MAPRE2: variants seen among roughly 807,000 people sequenced by gnomAD.
MAPRE2 encodes microtubule associated protein RP/EB family member 2.
MAPRE2 carries 13 observed loss-of-function variants against 43.2 expected under a neutral mutation model. The observed-to-expected ratio is 0.30, with a 90% CI of 0.20 to 0.48. MAPRE2 has a LOEUF of 0.48. Among genes scored for constraint, MAPRE2 ranks in the 20% least tolerant of loss-of-function variants. The probability of loss-of-function intolerance (pLI) is 0.99; values close to 1 mark genes in which losing one functional copy is unlikely to be tolerated. For missense variants in MAPRE2, 161 were observed against 400.2 expected (o/e 0.40, Z 5.10); for synonymous variants, 135 against 148.8 (o/e 0.91, Z 0.68).
chr18:35,124,162 G>A (rs1321433519), intron 4 of MAPRE2, among the ~76,000 whole-genome samples: 1 of 152,128 alleles, frequency 6.6e-6, no homozygotes. Context: ...AGTTTCTCAG[G>A]GCTAGGGAGG....
chr18:35,099,953 G>A (rs1908597582), intron 3 of MAPRE2, among the ~76,000 whole-genome samples: 2 of 152,128 alleles, frequency 1.3e-5, no homozygotes, highest in South Asian at 4.1e-4. Flanking sequence ...TTTCTAAAGT[G>A]GTCCTATTGA....
chr18:35,068,208 A>G (rs968111730), intron 1 of MAPRE2, among the ~76,000 whole-genome samples: 1 of 152,210 alleles, frequency 6.6e-6, no homozygotes, highest in Non-Finnish European at 1.5e-5. Context: ...CCTATATACT[A>G]TAGATTTTGC....
At chr18:35,124,507 T>C (rs1341010476) in intron 4 of MAPRE2, among the ~76,000 whole-genome samples, 1 of 152,116 alleles carries the variant, frequency 6.6e-6, no homozygotes, top group Non-Finnish European at 1.5e-5. Context: ...GAAGGTGCCA[T>C]ACCAGAAATT....
chr18:35,050,121 G>A lies in MAPRE2; in HGVS notation c.122+8460G>A, dbSNP rs543625707. On this transcript the variant is annotated intron_variant, in intron 1 of 6. Transcript: ENST00000300249. ...ATAAACTAATAATGGTAAGAACTGGGAAGATTAATCACTGTGTACCTTTTT... is the reference window on the plus strand; with the variant it reads ...ATAAACTAATAATGGTAAGAACTGGAAAGATTAATCACTGTGTACCTTTTT... 2.1e-3 allele frequency among the ~76,000 whole-genome samples: 324 copies of A among 151,790 alleles called. 1 individual carries two copies. Among genetic ancestry groups the A allele is most frequent in the South Asian group, 0.011 (55 of 4,826 alleles).
intron 1 of MAPRE2, among the ~76,000 whole-genome samples, chr18:35,047,413 C>G (rs916682564): frequency 3.3e-5 from 5 of 152,134 alleles, no homozygotes; most frequent in Admixed American, 6.5e-5. Flanking sequence ...CCATTGGTAT[C>G]ATACAAACCT....
intron 1 of MAPRE2, among the ~76,000 whole-genome samples, chr18:34,985,067 AATAAAATATAT>A (rs1486285450): frequency 1.3e-4 from 12 of 89,196 alleles, no homozygotes; most frequent in African/African-American, 5.7e-4. Flanking sequence ...TAATATATAA[AATAAAATATAT>A]TATAAAAATA....
chr18:35,048,165 A>G (rs1252471116), intron 1 of MAPRE2, among the ~76,000 whole-genome samples: 5 of 152,150 alleles, frequency 3.3e-5, no homozygotes, highest in African/African-American at 9.7e-5. Flanking sequence ...GGCATGTCTC[A>G]TGGCCAGAGC....
chr18:35,092,470 G>A (rs1174931229), intron 2 of MAPRE2, among the ~76,000 whole-genome samples: 1 of 152,128 alleles, frequency 6.6e-6, no homozygotes, highest in East Asian at 1.9e-4. Context: ...CTCAAAATGG[G>A]CTAAAGACTT....
chr18:35,041,582 A>T lies in MAPRE2; in HGVS notation c.43A>T (p.Asn15Tyr). Reference protein sequence around the residue: ...TQTLSPNGENNNDIIQDNNGT... With the variant: ...TQTLSPNGENYNDIIQDNNGT... ...AACCCTGTCCCCAAATGGCGAGAAC[A>T]ACAACGACATCATCCAGGATAATAA... Residue 15 changes from asparagine (N) to tyrosine (Y), a missense_variant, in exon 1 of 7, where the codon AAC becomes TAC. Physicochemically the swap from Asn to Tyr is moderately radical, Grantham distance 143. Around this residue, in one of 2 missense-constraint regions of MAPRE2, gnomAD observed 65 missense variants for 246.9 expected, o/e 0.26. Transcript: ENST00000300249. 6.2e-7 allele frequency: 1 copy of T among 1,614,206 alleles called. No individual in the cohort carries two copies. Among genetic ancestry groups the T allele is most frequent in the Non-Finnish European group, 8.5e-7 (1 of 1,180,036 alleles).
intron 1 of MAPRE2, among the ~76,000 whole-genome samples, chr18:35,067,945 G>C (rs1906915790): frequency 6.6e-6 from 1 of 152,182 alleles, no homozygotes; most frequent in Admixed American, 6.5e-5. Context: ...CAATAATGGT[G>C]TACAAAGCAG....
At chr18:35,011,659 G>T (rs1421363075) in intron 2 of MAPRE2, among the ~76,000 whole-genome samples, 1 of 152,140 alleles carries the variant, frequency 6.6e-6, no homozygotes, top group Non-Finnish European at 1.5e-5. Context: ...CCAGGCGGAA[G>T]ATGATTAGCA....
chr18:35,082,765 TTGA>T (rs1907703621), intron 2 of MAPRE2, among the ~76,000 whole-genome samples: 1 of 152,148 alleles, frequency 6.6e-6, no homozygotes. Context: ...TTTTATGTGT[TTGA>T]TAATACTGAT....
chr18:35,023,849 T>C (rs2097043448), intron 2 of MAPRE2, among the ~76,000 whole-genome samples: 1 of 152,214 alleles, frequency 6.6e-6, no homozygotes, highest in Non-Finnish European at 1.5e-5. Context: ...TATTTACTGA[T>C]GCCTTGCTGT....
chr18:35,126,085 C>G (rs764220180), intron 4 of MAPRE2, among the ~76,000 whole-genome samples: 1 of 152,132 alleles, frequency 6.6e-6, no homozygotes, highest in Admixed American at 6.5e-5. Flanking sequence ...TAGTGGCTGC[C>G]AGTGTTCCTT....
chr18:34,999,556 T>G (rs1254201374), intron 1 of MAPRE2, among the ~76,000 whole-genome samples: 1 of 152,180 alleles, frequency 6.6e-6, no homozygotes, highest in Non-Finnish European at 1.5e-5. Context: ...TTTCTGGGGA[T>G]TATCTTTTAT....
chr18:35,109,856 G>A (rs180765547), intron 4 of MAPRE2, among the ~76,000 whole-genome samples: 7 of 152,084 alleles, frequency 4.6e-5, no homozygotes, highest in South Asian at 2.1e-4. Context: ...TAGAGCTACC[G>A]CATTATCATT....
chr18:35,132,996 C>G (rs534563803), intron 6 of MAPRE2, among the ~76,000 whole-genome samples: 14 of 152,248 alleles, frequency 9.2e-5, no homozygotes, highest in Non-Finnish European at 1.9e-4. Context: ...GTTGGGGTGT[C>G]CAGCTTCTCT....
In MAPRE2 at chr18:35,142,840, C is replaced by T. The variant is rs1910719040; in HGVS notation, c.*2471C>T. 6.6e-6 allele frequency: 1 copy of T among 152,142 alleles called. No individual in the cohort carries two copies. Among genetic ancestry groups the T allele is most frequent in the Non-Finnish European group, 1.5e-5 (1 of 68,052 alleles). 9.4% of individuals were successfully genotyped at this position (152,142 alleles called of 1,614,324 possible). A position where few individuals can be genotyped will look rare whatever the true frequency, so the allele number is the denominator to read the frequency against. ...CCCATTATTCTCTCATCTCGGCATT[C>T]AGGGAACAGTTTCCTTAGCGGCCCC... On this transcript the variant is annotated 3_prime_UTR_variant, in exon 7 of 7. Transcript: ENST00000300249.
intron 2 of MAPRE2, among the ~76,000 whole-genome samples, chr18:35,023,703 C>G (rs1016797027): frequency 6.6e-6 from 1 of 151,508 alleles, no homozygotes; most frequent in African/African-American, 2.4e-5. Context: ...ATTTGGTGGT[C>G]CAGTAGATGT....
Sources: allele counts gnomAD v4.1 joint callset (sites outside exome capture counted in the v4.1 genomes callset), GRCh38; gene constraint gnomAD v4.1.1; regional missense constraint gnomAD v4.1.1; transcripts MANE v1.5; gene names NCBI Gene and HGNC (gene_info 2026-07-23, HGNC 2026-07-21).